The following MYH1 variants were observed in gnomAD, a reference collection of about 807,000 sequenced individuals.
The protein encoded by MYH1 is myosin-1.
In MYH1, 214 loss-of-function variants were observed where a neutral mutation model predicts 225.6. The observed-to-expected ratio is 0.95, with a 90% CI of 0.85 to 1.06. The LOEUF is 1.06. Among genes scored for constraint, MYH1 ranks in the 50% least tolerant of loss-of-function variants. MYH1 has a pLI of 0.00. For missense variants in MYH1, 2,098 were observed against 2,344.2 expected (o/e 0.89, Z 2.17); for synonymous variants, 774 against 842.3 (o/e 0.92, Z 1.40).
chr17:10,505,292 A>G lies in MYH1; in HGVS notation c.2306T>C (p.Phe769Ser), dbSNP rs763422352. The G allele has an allele frequency of 2.2e-5, 35 of 1,614,066 alleles. No individual in the cohort carries two copies. The Admixed American group carries it at 3.0e-4, about 14-fold the overall frequency. The change falls in exon 21 of 40, where the codon TTC (phenylalanine) becomes TCC (serine). Residue 769 changes from phenylalanine to serine, a missense_variant. By Grantham distance (155) the Phe-to-Ser change is radical. Transcript: ENST00000226207. The stretch of plus-strand genomic sequence containing the variant: ...TAGGAGCCCCAGAAGACCAGCTTTG[A>G]AAAAGACCTATGTGTGGGAAGAATT... The part of the protein sequence containing the change: ...QYKFGHTKVF[F>S]KAGLLGLLEE...
chr17:10,496,192 G>T (rs960620514), intron 34 of MYH1, 39 bp from the exon 35 acceptor site: 1 of 1,614,146 alleles, frequency 6.2e-7, no homozygotes, highest in African/African-American at 1.3e-5. Context: ...ATGTATTCAG[G>T]GTTGCAGGCA....
chr17:10,513,579 C>A lies in MYH1; in HGVS notation c.805+47G>T, dbSNP rs752258328. ...GGAGCTGCAAAGTGTTCCTCCAAACCAATATTTGTCATTCTTGGATTCTAT... is the reference window on the plus strand; with the variant it reads ...GGAGCTGCAAAGTGTTCCTCCAAACAAATATTTGTCATTCTTGGATTCTAT... On this transcript the variant is annotated intron_variant, in intron 9 of 39. Transcript: ENST00000226207. The A allele has an allele frequency of 6.3e-6, 10 of 1,577,106 alleles. No individual in the cohort carries two copies. In the African/African-American group the frequency reaches 8.1e-5, roughly 13 times the overall value.
In MYH1 at chr17:10,501,429, C is replaced by G; in HGVS notation, c.3419G>C (p.Arg1140Pro). 1 of 1,614,232 alleles carries G rather than the reference C, an allele frequency of 6.2e-7. No homozygotes were observed. The highest frequency in any genetic ancestry group is 8.5e-7 in the Non-Finnish European group (1 of 1,180,040). ...RASRAKAEKQ[R>P]SDLSRELEEI... is the part of the protein sequence containing the mutation. ...CTCCAGCTCCCGGGAGAGATCAGAGCGCTGCTTCTCTGCTTTGGCCCGGGA... is the reference window on the plus strand; with the variant it reads ...CTCCAGCTCCCGGGAGAGATCAGAGGGCTGCTTCTCTGCTTTGGCCCGGGA... The change falls in exon 27 of 40, where the codon CGC (arginine) becomes CCC (proline). Residue 1140 changes from arginine (R) to proline (P), a missense_variant. Coordinates refer to ENST00000226207, the MANE Select transcript of MYH1 (RefSeq NM_005963.4).
Position 10,497,760 on chromosome 17 carries a change from C to T in MYH1, c.4339G>A (p.Asp1447Asn), listed in dbSNP as rs758468961. The T allele has an allele frequency of 1.2e-6, 2 of 1,613,524 alleles. No homozygotes were observed. The highest frequency in any genetic ancestry group is 1.7e-6 in the Non-Finnish European group (2 of 1,179,882). ...TTATCAAAGTTCCTTTGCTTTTTGT[C>T]CAGGGCGGCACAGGCAGCATTTGTC... ...ERTNAACAAL[D>N]KKQRNFDKIL... Residue 1447 changes from aspartate (D) to asparagine (N), a missense_variant, in exon 31 of 40, where the codon GAC becomes AAC. By Grantham distance (23) the Asp-to-Asn change is conservative (BLOSUM62 1). Transcript: ENST00000226207.
rs765132904 is a variant in MYH1 at position 10,498,687 on chromosome 17, G to A, written c.4120C>T (p.Gln1374Ter). ...AMSKANSEVA[Q>*]WRTKYETDAI... is the part of the protein sequence containing the mutation. ...TCTGTCTCATATTTGGTCCTCCACT[G>A]GGCAACCTCACTGTTGGCCTTGGAC... Residue 1374 changes from glutamine to a stop codon, truncating the protein, a stop_gained, in exon 30 of 40, where the codon CAG becomes TAG. Coordinates refer to ENST00000226207, the MANE Select transcript of MYH1 (RefSeq NM_005963.4). LOFTEE classifies it high-confidence loss of function. The A allele has an allele frequency of 6.2e-7, 1 of 1,613,968 alleles. No individual in the cohort carries two copies. The highest frequency in any genetic ancestry group is 8.5e-7 in the Non-Finnish European group (1 of 1,179,878).
At position 10,513,973 on chromosome 17, in the gene MYH1, C is replaced by T. The variant is rs199959629; in HGVS notation, c.648+37G>A. 1,201 of 1,613,898 alleles carry T rather than the reference C, an allele frequency of 7.4e-4. 5 individuals are homozygous for T. The highest frequency in any genetic ancestry group is 8.1e-4 in the Non-Finnish European group (950 of 1,179,840). On this transcript the variant is annotated intron_variant, in intron 7 of 39. Coordinates refer to ENST00000226207, the MANE Select transcript of MYH1 (RefSeq NM_005963.4). ...TTGGGAATTTCCTACCTGAGAGTCC[C>T]GACAGAGCCTGGATTCTGACTAACA... is the stretch of plus-strand genomic sequence containing the variant.
Position 10,516,031 on chromosome 17 carries a change from C to T in MYH1, c.400G>A (p.Val134Met). ...VTVNPYKWLP[V>M]YNAEVVTAYR... ...GCTGTCACCACCTCTGCATTATACACTGGCAACCACTTGTAGGGGTTGACA... is the reference window on the plus strand; with the variant it reads ...GCTGTCACCACCTCTGCATTATACATTGGCAACCACTTGTAGGGGTTGACA... The change falls in exon 5 of 40, where the codon GTG becomes ATG. Residue 134 changes from valine to methionine, a missense_variant. Val to Met is a conservative substitution (Grantham distance 21, BLOSUM62 1). Coordinates refer to ENST00000226207, the MANE Select transcript of MYH1 (RefSeq NM_005963.4). The T allele has an allele frequency of 6.2e-7, 1 of 1,614,224 alleles. No individual in the cohort carries two copies. The highest frequency in any genetic ancestry group is 1.1e-5 in the South Asian group (1 of 91,084).
rs765856174 is a variant in MYH1, at chr17:10,512,473, T to C, written c.1082A>G (p.His361Arg). ...SIYKLTGAVM[H>R]YGNMKFKQKQ... is the part of the protein sequence containing the mutation. ...TTGCTTGAATTTCATGTTCCCATAA[T>C]GCATCACAGCCCCTGTGAGCTTATA... Residue 361 changes from histidine (H) to arginine (R), a missense_variant, in exon 12 of 40, where the codon CAT becomes CGT. By Grantham distance (29) the His-to-Arg change is conservative. Transcript: ENST00000226207. 6.2e-7 allele frequency: 1 copy of C among 1,614,156 alleles called. No homozygotes were observed. The highest frequency in any genetic ancestry group is 8.5e-7 in the Non-Finnish European group (1 of 1,180,000).
At position 10,498,765 on chromosome 17, in the gene MYH1, G is replaced by A. The variant is rs201222002; in HGVS notation, c.4042C>T (p.Arg1348Trp). 1.5e-4 allele frequency: 248 copies of A among 1,614,194 alleles called. No homozygotes were observed. The highest frequency in any genetic ancestry group is 2.0e-4 in the Non-Finnish European group (233 of 1,180,036). The change falls in exon 30 of 40, where the codon CGG becomes TGG. Residue 1348 changes from arginine to tryptophan, a missense_variant. By Grantham distance (101) the Arg-to-Trp change is moderately radical (BLOSUM62 -3). Transcript: ENST00000226207. Reference sequence around the variant, plus strand: ...TCCTGCTCCTCCTCATACTGTTCCCGCAGCAGGTCACAGTCATGGCGGGAG... The same window carrying A: ...TCCTGCTCCTCCTCATACTGTTCCCACAGCAGGTCACAGTCATGGCGGGAG... Reference protein sequence around the residue: ...QSSRHDCDLLREQYEEEQEAK... With the variant: ...QSSRHDCDLLWEQYEEEQEAK...
rs1567715561 is a variant in MYH1 at position 10,497,348 on chromosome 17, A to C, written c.4470T>G (p.Asn1490Lys). 1.9e-6 allele frequency: 3 copies of C among 1,613,304 alleles called. No homozygotes were observed. In the South Asian group the frequency reaches 3.3e-5, roughly 18 times the overall value. The change falls in exon 32 of 40, where the codon AAT becomes AAG. Residue 1490 changes from asparagine to lysine, a missense_variant. Transcript: ENST00000226207. ...SLSTELFKIK[N>K]AYEESLDQLE... ...GTTGGTCTAAAGATTCCTCATAAGC[A>C]TTCTTAATCTTAAATAGTTCTGTGC...
chr17:10,513,082 G>A (rs1192538436), intron 9 of MYH1, 117 bp from the exon 10 acceptor site: 4 of 689,766 alleles, frequency 5.8e-6, no homozygotes, highest in South Asian at 1.9e-5. Flanking sequence ...TCAACTGAAT[G>A]TTCCTGTGAA....
rs2073061113 is a variant in MYH1, at chr17:10,501,803, C to T, written c.3220G>A (p.Glu1074Lys). 1 of 1,613,778 alleles carries T rather than the reference C, an allele frequency of 6.2e-7. No homozygotes were observed. Among genetic ancestry groups the T allele is most frequent in the Non-Finnish European group, 8.5e-7 (1 of 1,179,794 alleles). The change falls in exon 25 of 40, where the codon GAA becomes AAA. Residue 1074 changes from glutamate (E) to lysine (K), a missense_variant. Physicochemically the swap from Glu to Lys is moderately conservative, Grantham distance 56. Coordinates refer to ENST00000226207, the MANE Select transcript of MYH1 (RefSeq NM_005963.4). Reference sequence around the variant, plus strand: ...TCATCAAGTTGTTGTTTGTCATTTTCTATATCCATTGTGGATTCTTGAGCC... The same window carrying T: ...TCATCAAGTTGTTGTTTGTCATTTTTTATATCCATTGTGGATTCTTGAGCC... ...KLAQESTMDI[E>K]NDKQQLDEKL...
At chr17:10,500,794 T>C in intron 27 of MYH1, 42 bp from the exon 28 acceptor site, 1 of 1,613,258 alleles carries the variant, frequency 6.2e-7, no homozygotes, top group East Asian at 2.2e-5. Context: ...AGTAAGTAGT[T>C]GGACCAAAGA....
chr17:10,494,437 G>A lies in MYH1; in HGVS notation c.5584C>T (p.Arg1862Cys), dbSNP rs201454258. ...KELTYQTEED[R>C]KNILRLQDLV... ...TCCTGGAGCCTGAGAATATTCTTGC[G>A]GTCTTCCTCAGTCTGAAATAATGTT... The change falls in exon 39 of 40, where the codon CGC becomes TGC. Residue 1862 changes from arginine (R) to cysteine (C), a missense_variant. By Grantham distance (180) the Arg-to-Cys change is radical. Coordinates refer to ENST00000226207, the MANE Select transcript of MYH1 (RefSeq NM_005963.4). The A allele has an allele frequency of 1.4e-4, 227 of 1,613,650 alleles. 2 individuals are homozygous for A. In the Middle Eastern group the frequency reaches 2.5e-3, roughly 18 times the overall value.
At chr17:10,504,758 C>T (rs2073091839) in intron 22 of MYH1, 52 bp downstream of exon 22, 1 of 1,600,216 alleles carries the variant, frequency 6.2e-7, no homozygotes, top group Non-Finnish European at 8.5e-7. Context: ...TTAGTGACCA[C>T]TGAGCTGAAG....
At chr17:10,502,627 A>T (rs1199367403) in intron 24 of MYH1, 111 bp downstream of exon 24, 1 of 1,490,354 alleles carries the variant, frequency 6.7e-7, no homozygotes, top group Non-Finnish European at 9.2e-7. Context: ...CATATTCCTC[A>T]TTCATAGGAG....
intron 14 of MYH1, among the ~76,000 whole-genome samples, chr17:10,510,752 G>A (rs2073162764): frequency 6.6e-6 from 1 of 151,446 alleles, no homozygotes; most frequent in East Asian, 1.9e-4. Context: ...GCCAAAACCA[G>A]AGACAGAAAG....
At position 10,508,505 on chromosome 17, in the gene MYH1, A is replaced by G. The variant is rs528137077; in HGVS notation, c.1755T>C (p.Tyr585=). 3.1e-6 allele frequency: 5 copies of G among 1,614,180 alleles called. No homozygotes were observed. The South Asian group carries it at 4.4e-5, about 14-fold the overall frequency. ...CAATGTTGTAGTCCACGGTGCCAGC[A>G]TAGTGAATCAAAGAGAAGTGGGCCT... ...KPEAHFSLIH[Y]AGTVDYNIAG... Residue 585 remains tyrosine, a synonymous_variant, in exon 16 of 40, where the codon TAT becomes TAC. Transcript: ENST00000226207.
intron 5 of MYH1, among the ~76,000 whole-genome samples, chr17:10,515,115 T>C (rs1597444117): frequency 1.3e-5 from 2 of 152,370 alleles, no homozygotes; most frequent in East Asian, 3.9e-4. Context: ...TTCAATGGCA[T>C]GCTATCTGCT....
Sources: gnomAD v4.1 joint callset for allele counts (sites outside exome capture counted in the v4.1 genomes callset) on GRCh38, gnomAD v4.1.1 for gene constraint, MANE v1.5 for transcripts, NCBI Gene and HGNC (gene_info 2026-07-23, HGNC 2026-07-21) for gene names.